TRPC4AP: variants seen among roughly 807,000 people sequenced by gnomAD.
TRPC4AP encodes short transient receptor potential channel 4-associated protein.
A neutral mutation model predicts 99.0 loss-of-function variants in TRPC4AP; 45 were observed. That is an observed-to-expected ratio of 0.45 (90% CI 0.36 to 0.58). TRPC4AP has a LOEUF of 0.58. Ranked by LOEUF, TRPC4AP falls within the 20% of genes least tolerant of loss-of-function variation. The pLI is 0.00. For synonymous variants in TRPC4AP, 408 were observed against 385.8 expected (o/e 1.06, Z -0.67); for missense variants, 879 against 985.3 (o/e 0.89, Z 1.44).
chr20:35,031,938 C>A (rs563974231), intron 8 of TRPC4AP, among the ~76,000 whole-genome samples: 2 of 152,258 alleles, frequency 1.3e-5, no homozygotes, highest in South Asian at 4.2e-4. Flanking sequence ...GTCACCCAGG[C>A]GCAACTGCAG....
rs1257998224 is a variant in TRPC4AP, at chr20:35,092,733, G to A, written c.49C>T (p.Arg17Trp). The change falls in exon 1 of 19, where the codon CGG (arginine) becomes TGG (tryptophan). Residue 17 changes from arginine to tryptophan, a missense_variant. By Grantham distance (101) the Arg-to-Trp change is moderately radical. Transcript: ENST00000252015. ...AAGSGAGRGR[R>W]SAATVAAWGG... ...CAAGCCGCCACTGTGGCTGCCGACC[G>A]TCTCCCTCGGCCGGCTCCAGACCCA... The A allele has an allele frequency of 1.9e-6, 3 of 1,561,058 alleles. No individual in the cohort carries two copies. Among genetic ancestry groups the A allele is most frequent in the Non-Finnish European group, 2.6e-6 (3 of 1,164,928 alleles).
At chr20:35,051,637 T>G (rs1057418195) in intron 5 of TRPC4AP, among the ~76,000 whole-genome samples, 4 of 146,942 alleles carry the variant, frequency 2.7e-5, no homozygotes, top group Admixed American at 6.9e-5. Flanking sequence ...AAAAAAAGGT[T>G]GTTATTCCCG....
At position 35,008,636 on chromosome 20, in the gene TRPC4AP, ATCGGCAGGTAC is replaced by A. The variant is rs772491754; in HGVS notation, c.1595+17_1595+27del. 2.4e-5 allele frequency: 39 copies of A among 1,604,728 alleles called. No individual in the cohort carries two copies. The Admixed American group carries it at 3.1e-4, about 13-fold the overall frequency. On this transcript the variant is annotated intron_variant, in intron 13 of 18. Coordinates refer to ENST00000252015, the MANE Select transcript of TRPC4AP (RefSeq NM_015638.3). ...ACACCTGGCTCTGCAGCCCCGCAGA[ATCGGCAGGTAC>A]TTTTCCCCAGACTCACCTGAAAGAC...
chr20:35,018,691 G>C lies in TRPC4AP; in HGVS notation c.1218+2499C>G, dbSNP rs141703585. On this transcript the variant is annotated intron_variant, in intron 9 of 18. Coordinates refer to ENST00000252015, the MANE Select transcript of TRPC4AP (RefSeq NM_015638.3). ...GTAAAACAAATTTTACTTGTAGAATGCATTATTCCTACTCTCAGGTCCAGC... is the reference window on the plus strand; with the variant it reads ...GTAAAACAAATTTTACTTGTAGAATCCATTATTCCTACTCTCAGGTCCAGC... Among the ~76,000 whole-genome samples, 1,513 of 151,434 alleles carry C rather than the reference G, an allele frequency of 1.0e-2. 9 individuals are homozygous for C. The highest frequency in any genetic ancestry group is 0.014 in the Non-Finnish European group (968 of 67,908).
chr20:35,008,805 A>G, intron 12 of TRPC4AP, 58 bp from the exon 13 acceptor site: 2 of 1,509,770 alleles, frequency 1.3e-6, no homozygotes, highest in Non-Finnish European at 1.8e-6. Context: ...GGCCCTGGGG[A>G]TGGGTCATTC....
chr20:35,047,632 T>A (rs1240050737), intron 6 of TRPC4AP, among the ~76,000 whole-genome samples: 1 of 152,212 alleles, frequency 6.6e-6, no homozygotes, highest in African/African-American at 2.4e-5. Context: ...CTAAACTTTT[T>A]AGCTATCACC....
chr20:35,079,791 A>G (rs561014523), intron 1 of TRPC4AP, among the ~76,000 whole-genome samples: 1 of 151,818 alleles, frequency 6.6e-6, no homozygotes, highest in East Asian at 2.0e-4. Context: ...CTAAGGCGGG[A>G]GGATTGCTTC....
Position 35,057,513 on chromosome 20 carries a change from C to G in TRPC4AP, c.472+1G>C. 6.2e-7 allele frequency: 1 copy of G among 1,611,342 alleles called. No individual in the cohort carries two copies. The highest frequency in any genetic ancestry group is 8.5e-7 in the Non-Finnish European group (1 of 1,178,360). Reference sequence around the variant, plus strand: ...GACCAGTAGCTAATAGGTATACTTACTTTTCAGTTTCTGTCCCCGGATAGA... The same window carrying G: ...GACCAGTAGCTAATAGGTATACTTAGTTTTCAGTTTCTGTCCCCGGATAGA... On this transcript the variant is annotated splice_donor_variant, in intron 4 of 18. Transcript: ENST00000252015. LOFTEE classifies it high-confidence loss of function.
intron 18 of TRPC4AP, 50 bp from the exon 19 acceptor site, chr20:35,003,333 C>T (rs781120142): frequency 1.2e-6 from 2 of 1,613,518 alleles, no homozygotes; most frequent in Non-Finnish European, 1.7e-6. Flanking sequence ...CCAGGTCAAG[C>T]CCAGCACCGG....
chr20:35,004,514 G>A lies in TRPC4AP; in HGVS notation c.1993C>T (p.Gln665Ter). The change falls in exon 17 of 19, where the codon CAG becomes TAG. Residue 665 changes from glutamine to a stop codon, truncating the protein, a stop_gained. Transcript: ENST00000252015. LOFTEE classifies it high-confidence loss of function. ...LLAYISQVPT[Q>*]MSFLFRLINI... ...ATGAGGCGGAAGAGGAAGGACATCT[G>A]CGTGGGCACCTGGGATATGTAGGCG... 6.2e-7 allele frequency: 1 copy of A among 1,614,162 alleles called. No individual in the cohort carries two copies. Among genetic ancestry groups the A allele is most frequent in the Non-Finnish European group, 8.5e-7 (1 of 1,180,012 alleles).
At chr20:35,004,100 A>G (rs1239240686) in intron 17 of TRPC4AP, among the ~76,000 whole-genome samples, 1 of 152,144 alleles carries the variant, frequency 6.6e-6, no homozygotes, top group African/African-American at 2.4e-5. Context: ...TCTAGAAAAG[A>G]GGGGCAGGAG....
At chr20:35,004,660 ACT>A in intron 16 of TRPC4AP, 90 bp from the exon 17 acceptor site, 1 of 1,099,152 alleles carries the variant, frequency 9.1e-7, no homozygotes, top group Non-Finnish European at 1.4e-6. Flanking sequence ...TTGGGTCCTG[ACT>A]CTGAAGCTAG....
intron 7 of TRPC4AP, among the ~76,000 whole-genome samples, chr20:35,040,007 T>C (rs1316685003): frequency 1.3e-5 from 2 of 151,848 alleles, no homozygotes; most frequent in South Asian, 2.1e-4. Context: ...CCACAGTTTA[T>C]TAAAAACGAA....
At chr20:35,086,543 G>GTA in intron 1 of TRPC4AP, among the ~76,000 whole-genome samples, 1 of 32,622 alleles carries the variant, frequency 3.1e-5, no homozygotes, top group Non-Finnish European at 6.2e-5. Flanking sequence ...GTGTGTGTGT[G>GTA]TGTGTGTGTG....
intron 2 of TRPC4AP, among the ~76,000 whole-genome samples, chr20:35,074,891 T>C (rs564897992): frequency 1.3e-5 from 2 of 152,292 alleles, no homozygotes; most frequent in East Asian, 1.9e-4. Flanking sequence ...CCCATTATTA[T>C]TGTGTGGGAG....
At chr20:35,081,281 G>C (rs1315168924) in intron 1 of TRPC4AP, among the ~76,000 whole-genome samples, 1 of 151,910 alleles carries the variant, frequency 6.6e-6, no homozygotes, top group Non-Finnish European at 1.5e-5. Context: ...GGGAGGCAGA[G>C]ACAGACAGAT....
rs2084623896 is a variant in TRPC4AP, at chr20:35,080,809, T to TTTTG, written c.169-2636_169-2635insCAAA. On this transcript the variant is annotated intron_variant, in intron 1 of 18. Coordinates refer to ENST00000252015, the MANE Select transcript of TRPC4AP (RefSeq NM_015638.3). ...CCACTGACTTGTACACTTCAGTTTT[T>TTTTG]TTTTTTTTTACCCTTTTATCTCCTT... Among the ~76,000 whole-genome samples the TTTTG allele has an allele frequency of 7.9e-5, 7 of 88,264 alleles. 1 individual carries two copies. The highest frequency in any genetic ancestry group is 1.6e-4 in the African/African-American group (4 of 25,730). 57.9% of individuals were successfully genotyped at this position (88,264 alleles called of 152,430 possible). A position where few individuals can be genotyped will look rare whatever the true frequency, so the allele number is the denominator to read the frequency against.
chr20:35,086,505 ATATG>A lies in TRPC4AP; in HGVS notation c.168+6105_168+6108del, dbSNP rs1569157765. Reference sequence around the variant, plus strand: ...TGTGTGTATATATATATGTGTATATATATGTGTGTGTGTGTATATATGTGTGTGT... The same window carrying A: ...TGTGTGTATATATATATGTGTATATATGTGTGTGTGTATATATGTGTGTGT... On this transcript the variant is annotated intron_variant, in intron 1 of 18. Coordinates refer to ENST00000252015, the MANE Select transcript of TRPC4AP (RefSeq NM_015638.3). Among the ~76,000 whole-genome samples the A allele has an allele frequency of 2.8e-4, 13 of 46,716 alleles. 3 individuals carry two copies. The East Asian group carries it at 4.9e-3, about 18-fold the overall frequency. 30.6% of individuals were successfully genotyped at this position (46,716 alleles called of 152,430 possible).
chr20:35,009,466 A>C (rs1411562749), intron 12 of TRPC4AP, among the ~76,000 whole-genome samples: 1 of 143,780 alleles, frequency 7.0e-6, no homozygotes, highest in Non-Finnish European at 1.5e-5. Context: ...ACATAGTGAG[A>C]CCCCATCTCT....
Sources: allele counts gnomAD v4.1 joint callset (sites outside exome capture counted in the v4.1 genomes callset), GRCh38; gene constraint gnomAD v4.1.1; transcripts MANE v1.5; gene names NCBI Gene and HGNC (gene_info 2026-07-23, HGNC 2026-07-21).